The following SGCD variants were observed in gnomAD, a reference collection of about 807,000 sequenced individuals.
SGCD encodes sarcoglycan delta, also known as delta-sarcoglycan.
Under a neutral mutation model 36.6 loss-of-function variants are expected in SGCD, and 18 were observed. That is an observed-to-expected ratio of 0.49 (90% confidence interval 0.34 to 0.73). SGCD has a LOEUF of 0.73. SGCD is among the 30% of genes least tolerant of loss of function. The probability of loss-of-function intolerance (pLI) is 0.01; values close to 1 mark genes in which losing one functional copy is unlikely to be tolerated. For synonymous variants in SGCD, 133 were observed against 130.6 expected, an observed-to-expected ratio of 1.02 and a Z score of -0.12; for missense variants, 387 against 346.7, an observed-to-expected ratio of 1.12 and a Z score of -0.92.
chr5:156,317,797 A>G (rs1324328175), intron 3 of SGCD, among the ~76,000 whole-genome samples: 1 of 151,298 alleles, frequency 6.6e-6, no homozygotes, highest in Non-Finnish European at 1.5e-5. Context: ...ATAGAATATT[A>G]AAGTGTTTCT....
intron 3 of SGCD, among the ~76,000 whole-genome samples, chr5:156,255,872 C>T (rs1765703052): frequency 6.6e-6 from 1 of 152,004 alleles, no homozygotes; most frequent in Non-Finnish European, 1.5e-5. Flanking sequence ...ATTTTTACCT[C>T]TTTCTATTTT....
the SGCD span, among the ~76,000 whole-genome samples, chr5:155,750,594 T>A: frequency 4.6e-5 from 7 of 152,242 alleles, no homozygotes; most frequent in African/African-American, 1.7e-4. Context: ...GAACAGCATC[T>A]TAAAATGGCA....
At chr5:156,513,556 G>T (rs1332316788) in intron 4 of SGCD, among the ~76,000 whole-genome samples, 1 of 152,180 alleles carries the variant, frequency 6.6e-6, no homozygotes, top group East Asian at 1.9e-4. Flanking sequence ...GTCCAGTTGA[G>T]CAAGATTAGT....
At chr5:156,615,753 C>A (rs1761997932) in intron 6 of SGCD, among the ~76,000 whole-genome samples, 1 of 152,138 alleles carries the variant, frequency 6.6e-6, no homozygotes, top group Non-Finnish European at 1.5e-5. Context: ...CTTGGCAGAT[C>A]TGGGAGCCCA....
At chr5:156,507,169 G>A (rs532680474) in intron 3 of SGCD, among the ~76,000 whole-genome samples, 21 of 152,304 alleles carry the variant, frequency 1.4e-4, no homozygotes, top group African/African-American at 5.1e-4. Flanking sequence ...TACAATTACT[G>A]ATCAGGTGAT....
At chr5:156,166,820 G>A (rs189530302) in intron 3 of SGCD, among the ~76,000 whole-genome samples, 19 of 152,252 alleles carry the variant, frequency 1.2e-4, no homozygotes, top group Admixed American at 6.5e-4. Flanking sequence ...AAGCAACTCA[G>A]TCACATCTAG....
intron 3 of SGCD, among the ~76,000 whole-genome samples, chr5:156,206,603 T>G (rs1316829235): frequency 6.6e-6 from 1 of 152,096 alleles, no homozygotes; most frequent in Admixed American, 6.6e-5. Context: ...CCAGTGTGGT[T>G]AAATGGCTTT....
chr5:156,144,297 C>T (rs1284606270), intron 3 of SGCD, among the ~76,000 whole-genome samples: 1 of 151,886 alleles, frequency 6.6e-6, no homozygotes, highest in Admixed American at 6.6e-5. Context: ...GTTCTAGATC[C>T]CTGAGGAATC....
intron 3 of SGCD, among the ~76,000 whole-genome samples, chr5:156,402,014 G>T (rs1482154721): frequency 6.6e-6 from 1 of 152,154 alleles, no homozygotes; most frequent in Non-Finnish European, 1.5e-5. Flanking sequence ...GTGAAATCAT[G>T]CAGTATTTGC....
intron 1 of SGCD, among the ~76,000 whole-genome samples, chr5:155,884,666 A>G (rs543428235): frequency 6.6e-6 from 1 of 152,316 alleles, no homozygotes; most frequent in East Asian, 1.9e-4. Flanking sequence ...GCATCTGGAT[A>G]GGTATGAACT....
intron 3 of SGCD, among the ~76,000 whole-genome samples, chr5:156,388,415 G>T (rs1048932757): frequency 6.6e-6 from 1 of 152,190 alleles, no homozygotes; most frequent in African/African-American, 2.4e-5. Context: ...GGCATATCTA[G>T]TGTTCTGATA....
intron 3 of SGCD, among the ~76,000 whole-genome samples, chr5:156,376,004 G>A (rs1163936163): frequency 6.6e-6 from 1 of 152,096 alleles, no homozygotes; most frequent in Non-Finnish European, 1.5e-5. Context: ...TATCGTATAT[G>A]TACAGTTATA....
chr5:156,536,915 C>T (rs1178925158), intron 4 of SGCD, among the ~76,000 whole-genome samples: 2 of 152,148 alleles, frequency 1.3e-5, no homozygotes, highest in African/African-American at 4.8e-5. Flanking sequence ...GTGCGAGCTG[C>T]TTTCCATAGT....
chr5:156,525,123 T>G (rs1409291674), intron 4 of SGCD, among the ~76,000 whole-genome samples: 2 of 152,110 alleles, frequency 1.3e-5, no homozygotes, highest in African/African-American at 4.8e-5. Context: ...GTAGTTCTAT[T>G]TTACTTTTTT....
At chr5:155,898,551 G>A (rs1030484497) in intron 1 of SGCD, among the ~76,000 whole-genome samples, 1 of 152,156 alleles carries the variant, frequency 6.6e-6, no homozygotes, top group Non-Finnish European at 1.5e-5. Flanking sequence ...CCCCTGGCTA[G>A]GAATATCCAT....
intron 7 of SGCD, among the ~76,000 whole-genome samples, chr5:156,743,051 C>T (rs1336715203): frequency 6.6e-6 from 1 of 151,634 alleles, no homozygotes; most frequent in Non-Finnish European, 1.5e-5. Context: ...CCGCTTATAC[C>T]ACCAATCCAT....
At chr5:156,161,655 C>G (rs1383384944) in intron 3 of SGCD, among the ~76,000 whole-genome samples, 1 of 151,806 alleles carries the variant, frequency 6.6e-6, no homozygotes, top group African/African-American at 2.4e-5. Flanking sequence ...CTTTCTAATT[C>G]TACTGTAAAA....
At chr5:156,674,653 A>T (rs886728178) in intron 7 of SGCD, among the ~76,000 whole-genome samples, 10 of 152,190 alleles carry the variant, frequency 6.6e-5, no homozygotes, top group African/African-American at 2.4e-4. Context: ...GTCTGCTCTC[A>T]TATGAAGATT....
the SGCD span, among the ~76,000 whole-genome samples, chr5:155,830,363 A>G: frequency 6.6e-6 from 1 of 151,930 alleles, no homozygotes; most frequent in African/African-American, 2.4e-5. Flanking sequence ...TCTTATAAAG[A>G]CTCCAGTTCT....
Sources: gnomAD v4.1 joint callset for allele counts (sites outside exome capture counted in the v4.1 genomes callset) on GRCh38, gnomAD v4.1.1 for gene constraint, MANE v1.5 for transcripts, NCBI Gene and HGNC (gene_info 2026-07-23, HGNC 2026-07-21) for gene names.